Variants in SNTG2 observed in about 807,000 individuals in gnomAD.
The protein encoded by SNTG2 is gamma-2-syntrophin.
A neutral mutation model predicts 70.9 loss-of-function variants in SNTG2; 74 were observed. The observed-to-expected ratio is 1.04, with a 90% confidence interval of 0.86 to 1.27. The LOEUF is 1.27. Ranked by LOEUF, SNTG2 falls within the 50% of genes most tolerant of loss-of-function variation. The probability of loss-of-function intolerance (pLI) is 0.00; values close to 1 mark genes in which losing one functional copy is unlikely to be tolerated. For synonymous variants in SNTG2, 278 were observed against 273.8 expected (o/e 1.02, Z -0.15); for missense variants, 717 against 690.7 (o/e 1.04, Z -0.43).
At chr2:1,328,675 C>G (rs1681856645) in intron 16 of SNTG2, among the ~76,000 whole-genome samples, 1 of 152,142 alleles carries the variant, frequency 6.6e-6, no homozygotes. Flanking sequence ...GGCAAAAATT[C>G]TATCAACTAG....
chr2:1,021,222 C>T (rs747201047), intron 1 of SNTG2, among the ~76,000 whole-genome samples: 37 of 152,096 alleles, frequency 2.4e-4, no homozygotes, highest in Admixed American at 3.3e-4. Flanking sequence ...CAGTCAGTTA[C>T]GGTAGCTACT....
intron 1 of SNTG2, among the ~76,000 whole-genome samples, chr2:984,323 G>A (rs1661233260): frequency 6.6e-6 from 1 of 150,956 alleles, no homozygotes; most frequent in Non-Finnish European, 1.5e-5. Flanking sequence ...GAAAACAAAG[G>A]GCAAAATCTC....
rs77583450 is a variant in SNTG2, at chr2:1,098,456, G to A, written c.325+46G>A. 6.8e-3 allele frequency: 10,554 copies of A among 1,556,508 alleles called. 371 individuals carry two copies. In the African/African-American group the frequency reaches 0.09, roughly 13 times the overall value. On this transcript the variant is annotated intron_variant, in intron 4 of 16. Coordinates refer to ENST00000308624, the MANE Select transcript of SNTG2 (RefSeq NM_018968.4). ...CTGTGTATGCATCACAGCCATTTGT[G>A]AGATAACAAATTACTGAAAATGATA... is the stretch of plus-strand genomic sequence containing the variant.
intron 8 of SNTG2, among the ~76,000 whole-genome samples, chr2:1,177,510 T>C (rs1444356782): frequency 2.0e-5 from 3 of 151,380 alleles, no homozygotes; most frequent in Non-Finnish European, 2.9e-5. Context: ...AAAAAAACTT[T>C]AAAAGGAACC....
intron 2 of SNTG2, among the ~76,000 whole-genome samples, chr2:1,090,753 CCTGGGG>C: frequency 6.6e-6 from 1 of 152,232 alleles, no homozygotes; most frequent in Non-Finnish European, 1.5e-5. Context: ...CTGTGTGTTT[CCTGGGG>C]CTGTGCACAT....
At chr2:1,247,919 G>C (rs537015794) in intron 12 of SNTG2, among the ~76,000 whole-genome samples, 15 of 152,112 alleles carry the variant, frequency 9.9e-5, no homozygotes, top group Admixed American at 1.3e-4. Flanking sequence ...GAATGCTATC[G>C]TTCTGCAATT....
intron 10 of SNTG2, 139 bp from the exon 11 acceptor site, chr2:1,239,599 G>C (rs541933978): frequency 1.3e-6 from 1 of 791,566 alleles, no homozygotes; most frequent in African/African-American, 1.7e-5. Context: ...ACTCTGGCTA[G>C]GTCTTCAGAT....
chr2:1,227,542 G>A (rs1327032209), intron 9 of SNTG2, among the ~76,000 whole-genome samples: 2 of 152,194 alleles, frequency 1.3e-5, no homozygotes, highest in African/African-American at 4.8e-5. Context: ...CGTCCGCTCC[G>A]CCACGAATCC....
intron 4 of SNTG2, among the ~76,000 whole-genome samples, chr2:1,105,961 A>C (rs906566919): frequency 6.6e-6 from 1 of 152,232 alleles, no homozygotes; most frequent in Non-Finnish European, 1.5e-5. Context: ...GCTCCTTGGT[A>C]ATAGTGGGCG....
At chr2:1,043,692 C>G (rs1424301815) in intron 1 of SNTG2, among the ~76,000 whole-genome samples, 1 of 152,078 alleles carries the variant, frequency 6.6e-6, no homozygotes, top group East Asian at 1.9e-4. Flanking sequence ...TTGCTTGTTA[C>G]TGTTGACTTT....
chr2:1,192,510 G>T (rs1473878522), intron 8 of SNTG2, among the ~76,000 whole-genome samples: 2 of 152,040 alleles, frequency 1.3e-5, no homozygotes, highest in South Asian at 2.1e-4. Flanking sequence ...AATTTACCAA[G>T]AATTTTTAAT....
intron 1 of SNTG2, among the ~76,000 whole-genome samples, chr2:1,036,939 G>C (rs768399419): frequency 2.2e-4 from 34 of 152,336 alleles, no homozygotes; most frequent in South Asian, 6.2e-4. Context: ...AGACTCAGGA[G>C]CCTGGGTTGT....
chr2:1,151,677 C>A (rs1363787295), intron 6 of SNTG2, among the ~76,000 whole-genome samples: 15 of 152,154 alleles, frequency 9.9e-5, no homozygotes, highest in Non-Finnish European at 7.3e-5. Context: ...AAAGCCTTTG[C>A]GTCCTGGATT....
intron 2 of SNTG2, among the ~76,000 whole-genome samples, chr2:1,095,405 C>A (rs1454618826): frequency 6.6e-6 from 1 of 152,194 alleles, no homozygotes; most frequent in Non-Finnish European, 1.5e-5. Flanking sequence ...TTTCAAGAGA[C>A]TGCACAAAGC....
chr2:1,281,852 A>G (rs939255582), intron 14 of SNTG2, among the ~76,000 whole-genome samples: 2 of 152,196 alleles, frequency 1.3e-5, no homozygotes, highest in African/African-American at 2.4e-5. Flanking sequence ...CAAGCACCCC[A>G]CACATCTGTG....
intron 4 of SNTG2, among the ~76,000 whole-genome samples, chr2:1,118,148 G>A (rs1358070525): frequency 6.6e-6 from 1 of 152,166 alleles, no homozygotes; most frequent in African/African-American, 2.4e-5. Context: ...AGCACCGGAT[G>A]CCACAAGGGC....
At chr2:1,250,624 G>T (rs1677699592) in intron 12 of SNTG2, among the ~76,000 whole-genome samples, 1 of 147,388 alleles carries the variant, frequency 6.8e-6, no homozygotes, top group African/African-American at 2.5e-5. Flanking sequence ...CTCTATCTCT[G>T]CCTTTCTCTC....
At chr2:985,244 C>T (rs559702185) in intron 1 of SNTG2, among the ~76,000 whole-genome samples, 194 of 152,094 alleles carry the variant, frequency 1.3e-3, no homozygotes, top group Middle Eastern at 3.4e-3. Flanking sequence ...CAAAGAAAAG[C>T]GACGGAAATG....
At chr2:1,068,198 G>A (rs1663282600) in intron 1 of SNTG2, 1 of 152,130 alleles carries the variant, frequency 6.6e-6, no homozygotes, top group African/African-American at 2.4e-5. Flanking sequence ...ATCCAAGGAG[G>A]GAGAGTCACT....
Sources: gnomAD v4.1 joint callset for allele counts (sites outside exome capture counted in the v4.1 genomes callset) on GRCh38, gnomAD v4.1.1 for gene constraint, MANE v1.5 for transcripts, NCBI Gene and HGNC (gene_info 2026-07-23, HGNC 2026-07-21) for gene names.